The following MLLT3 variants were observed in gnomAD, a reference collection of about 807,000 sequenced individuals.
MLLT3 encodes the protein MLLT3 super elongation complex subunit, also known as protein AF-9.
A neutral mutation model predicts 53.2 loss-of-function variants in MLLT3; 4 were observed. The ratio of observed to expected loss-of-function variants is 0.08; its 90% CI spans 0.04 to 0.17. The LOEUF (loss-of-function observed/expected upper bound fraction) is 0.17. Among genes scored for constraint, MLLT3 ranks in the 10% least tolerant of loss-of-function variants. MLLT3 has a pLI of 1.00. For synonymous variants in MLLT3, 283 were observed against 230.6 expected, an observed-to-expected ratio of 1.23 and a Z score of -2.06; for missense variants, 569 against 684.0, an observed-to-expected ratio of 0.83 and a Z score of 1.87.
intron 5 of MLLT3, among the ~76,000 whole-genome samples, chr9:20,374,591 C>T (rs549416043): frequency 2.0e-5 from 3 of 152,114 alleles, no homozygotes; most frequent in Admixed American, 6.5e-5. Context: ...TATGCACTAG[C>T]GAATTATTAA....
At chr9:20,472,421 A>G (rs1007739410) in intron 2 of MLLT3, among the ~76,000 whole-genome samples, 1 of 152,078 alleles carries the variant, frequency 6.6e-6, no homozygotes, top group Non-Finnish European at 1.5e-5. Flanking sequence ...GAATGCAAGC[A>G]TGAATGAAAT....
chr9:20,353,831 G>A (rs1174146376), intron 9 of MLLT3, among the ~76,000 whole-genome samples: 4 of 152,140 alleles, frequency 2.6e-5, no homozygotes, highest in Non-Finnish European at 5.9e-5. Context: ...TGAATTCTTG[G>A]ACTTAATTGC....
At chr9:20,350,458 G>C (rs13287177) in intron 10 of MLLT3, among the ~76,000 whole-genome samples, 2 of 150,300 alleles carry the variant, frequency 1.3e-5, no homozygotes, top group Non-Finnish European at 2.9e-5. Context: ...AGCCGGGCGT[G>C]GTGGCGGGCG....
chr9:20,529,401 T>A (rs1818274797), intron 2 of MLLT3, among the ~76,000 whole-genome samples: 1 of 152,226 alleles, frequency 6.6e-6, no homozygotes, highest in African/African-American at 2.4e-5. Context: ...TATGTTCAGA[T>A]TAAAAGTTCT....
intron 2 of MLLT3, among the ~76,000 whole-genome samples, chr9:20,547,303 G>T (rs1217967741): frequency 2.0e-5 from 3 of 151,710 alleles, no homozygotes; most frequent in African/African-American, 7.3e-5. Flanking sequence ...TAAAGTGCTG[G>T]AATTACAGGT....
intron 5 of MLLT3, among the ~76,000 whole-genome samples, chr9:20,368,674 T>C (rs1056382303): frequency 1.3e-5 from 2 of 152,214 alleles, no homozygotes; most frequent in African/African-American, 4.8e-5. Flanking sequence ...AATTCCACAG[T>C]TGCTGATCAC....
At chr9:20,429,532 C>T (rs1823217009) in intron 4 of MLLT3, among the ~76,000 whole-genome samples, 1 of 147,614 alleles carries the variant, frequency 6.8e-6, no homozygotes, top group Admixed American at 6.7e-5. Context: ...ATTAGCATAA[C>T]TAATCCAATT....
chr9:20,356,906 G>A (rs535800480), intron 8 of MLLT3, among the ~76,000 whole-genome samples: 3 of 152,292 alleles, frequency 2.0e-5, no homozygotes, highest in African/African-American at 7.2e-5. Flanking sequence ...TCAGTGACCC[G>A]CCTCAAGTTA....
At chr9:20,369,125 T>C (rs558482609) in intron 5 of MLLT3, among the ~76,000 whole-genome samples, 6 of 152,164 alleles carry the variant, frequency 3.9e-5, no homozygotes, top group Non-Finnish European at 7.4e-5. Context: ...ATGATGATGC[T>C]GCAGGTCCAG....
intron 2 of MLLT3, among the ~76,000 whole-genome samples, chr9:20,576,511 A>C (rs1819656448): frequency 6.6e-6 from 1 of 152,132 alleles, no homozygotes; most frequent in Non-Finnish European, 1.5e-5. Context: ...TAATTGGCTT[A>C]ATTTCAATAT....
At chr9:20,567,243 G>T (rs1396698585) in intron 2 of MLLT3, among the ~76,000 whole-genome samples, 1 of 87,500 alleles carries the variant, frequency 1.1e-5, no homozygotes, top group African/African-American at 4.4e-5. Flanking sequence ...TTTTCTCCAA[G>T]AATCTAAATT....
intron 8 of MLLT3, among the ~76,000 whole-genome samples, chr9:20,356,234 C>G (rs1052511076): frequency 6.6e-6 from 1 of 152,126 alleles, no homozygotes; most frequent in African/African-American, 2.4e-5. Flanking sequence ...TCTTTCCTGA[C>G]AATCATGCTT....
chr9:20,491,884 C>G (rs1366001844), intron 2 of MLLT3, among the ~76,000 whole-genome samples: 13 of 152,030 alleles, frequency 8.6e-5, no homozygotes, highest in Non-Finnish European at 1.8e-4. Flanking sequence ...AGATCGTGCA[C>G]TGAGGAATAG....
rs1820804706 is a variant in MLLT3, at chr9:20,344,003, GA to G, written c.*2439del. ...ACGTAACTCTCAGTCTTAATTTTGTGAAAAACTTACTTTGCTATCTTGATGA... is the reference window on the plus strand; with the variant it reads ...ACGTAACTCTCAGTCTTAATTTTGTGAAAACTTACTTTGCTATCTTGATGA... On this transcript the variant is annotated 3_prime_UTR_variant, in exon 11 of 11. Coordinates refer to ENST00000380338, the MANE Select transcript of MLLT3 (RefSeq NM_004529.4). The G allele has an allele frequency of 4.9e-6, 1 of 202,900 alleles. No individual in the cohort carries two copies. The highest frequency in any genetic ancestry group is 1.0e-5 in the Non-Finnish European group (1 of 98,970). The allele number at this position is 202,900 out of a possible 1,614,324, so 12.6% of individuals were successfully genotyped here.
At chr9:20,531,137 G>T (rs1189670673) in intron 2 of MLLT3, among the ~76,000 whole-genome samples, 23 of 78,606 alleles carry the variant, frequency 2.9e-4, no homozygotes, top group South Asian at 1.3e-3. Flanking sequence ...ATATTCAGTT[G>T]CTTTTTTTTT....
intron 2 of MLLT3, among the ~76,000 whole-genome samples, chr9:20,591,980 T>C (rs1328997202): frequency 6.6e-6 from 1 of 152,062 alleles, no homozygotes. Flanking sequence ...GGCAACACAT[T>C]TTTTTAATAA....
chr9:20,472,368 T>C (rs763746508), intron 2 of MLLT3, among the ~76,000 whole-genome samples: 2 of 152,100 alleles, frequency 1.3e-5, no homozygotes, highest in Non-Finnish European at 2.9e-5. Flanking sequence ...CATTCACTTA[T>C]TCCTTTCCCA....
intron 2 of MLLT3, among the ~76,000 whole-genome samples, chr9:20,595,424 T>C (rs890697039): frequency 1.2e-4 from 18 of 152,030 alleles, no homozygotes; most frequent in Middle Eastern, 3.2e-3. Flanking sequence ...TATATTACTT[T>C]ATAATTTATA....
chr9:20,382,371 T>C (rs1474530442), intron 5 of MLLT3: 1 of 151,886 alleles, frequency 6.6e-6, no homozygotes, highest in Non-Finnish European at 1.5e-5. Context: ...AGCAAAGAAA[T>C]TGTTCTCACC....
Sources: allele counts gnomAD v4.1 joint callset (sites outside exome capture counted in the v4.1 genomes callset), GRCh38; gene constraint gnomAD v4.1.1; transcripts MANE v1.5; gene names NCBI Gene and HGNC (gene_info 2026-07-23, HGNC 2026-07-21).